Variants in CSMD1 observed in about 807,000 individuals in gnomAD.
CSMD1 encodes the protein CUB and Sushi multiple domains 1.
In CSMD1, 213 loss-of-function variants were observed where a neutral mutation model predicts 417.5. That is an observed-to-expected ratio of 0.51 (90% CI 0.46 to 0.57). The LOEUF (loss-of-function observed/expected upper bound fraction) is 0.57, where lower values mean the gene tolerates loss of function less well. Among genes scored for constraint, CSMD1 ranks in the 20% least tolerant of loss-of-function variants. The probability of loss-of-function intolerance (pLI) is 0.00; values close to 1 mark genes in which losing one functional copy is unlikely to be tolerated. For synonymous variants in CSMD1, 2,862 were observed against 1,736.8 expected, an observed-to-expected ratio of 1.65 and a Z score of -16.11; for missense variants, 6,923 against 4,529.7, an observed-to-expected ratio of 1.53 and a Z score of -15.17.
At chr8:4,140,940 C>T (rs1384413052) in intron 3 of CSMD1, among the ~76,000 whole-genome samples, 1 of 151,186 alleles carries the variant, frequency 6.6e-6, no homozygotes, top group African/African-American at 2.5e-5. Context: ...TCAACACCAA[C>T]AACAAAAAGT....
intron 1 of CSMD1, among the ~76,000 whole-genome samples, chr8:4,960,678 T>C (rs1481241473): frequency 6.6e-6 from 1 of 152,184 alleles, no homozygotes. Flanking sequence ...CGTACATACA[T>C]ACATGCATAA....
intron 2 of CSMD1, among the ~76,000 whole-genome samples, chr8:4,562,579 G>C (rs1338828036): frequency 2.6e-5 from 4 of 152,084 alleles, no homozygotes; most frequent in Non-Finnish European, 5.9e-5. Context: ...AGCATATCCT[G>C]ACTACTGAAA....
intron 3 of CSMD1, among the ~76,000 whole-genome samples, chr8:4,392,237 T>G (rs1803895264): frequency 6.6e-6 from 1 of 152,152 alleles, no homozygotes; most frequent in Non-Finnish European, 1.5e-5. Context: ...TTCAATTTAC[T>G]TGTGAGGATA....
chr8:3,728,391 T>G (rs1802622281), intron 6 of CSMD1, among the ~76,000 whole-genome samples: 1 of 152,226 alleles, frequency 6.6e-6, no homozygotes, highest in South Asian at 2.1e-4. Flanking sequence ...GTATTGGGTA[T>G]GTCTTTATCA....
At chr8:3,224,694 T>G (rs529954421) in intron 27 of CSMD1, among the ~76,000 whole-genome samples, 185 of 152,362 alleles carry the variant, frequency 1.2e-3, no homozygotes, top group African/African-American at 4.3e-3. Flanking sequence ...CAATTTTGAA[T>G]TAAATGTGTT....
At chr8:4,833,403 G>A (rs1340166562) in intron 1 of CSMD1, among the ~76,000 whole-genome samples, 2 of 152,168 alleles carry the variant, frequency 1.3e-5, no homozygotes, top group Admixed American at 6.5e-5. Flanking sequence ...TCACTGTCAT[G>A]AGAACAGCAA....
At chr8:3,911,357 T>C (rs1382761298) in intron 5 of CSMD1, among the ~76,000 whole-genome samples, 1 of 151,566 alleles carries the variant, frequency 6.6e-6, no homozygotes, top group African/African-American at 2.4e-5. Context: ...TGAAACCCCA[T>C]CTCTACTAAA....
At chr8:4,259,381 C>G (rs1267499788) in intron 3 of CSMD1, among the ~76,000 whole-genome samples, 7 of 152,132 alleles carry the variant, frequency 4.6e-5, no homozygotes, top group Non-Finnish European at 1.0e-4. Flanking sequence ...AAGGAGAGGA[C>G]AGGAGGAGCT....
chr8:4,918,634 T>G lies in CSMD1; in HGVS notation c.85+75698A>C, dbSNP rs1326799596. 2.0e-5 allele frequency among the ~76,000 whole-genome samples: 3 copies of G among 152,248 alleles called. No homozygotes were observed. The East Asian group carries it at 5.8e-4, about 29-fold the overall frequency. On this transcript the variant is annotated intron_variant, in intron 1 of 69. Transcript: ENST00000635120. The stretch of plus-strand genomic sequence containing the variant: ...ATAGCTGAATCACGTTACTTCAGAT[T>G]GATAAATCTTTTCTTTCTTGACCCA...
intron 1 of CSMD1, among the ~76,000 whole-genome samples, chr8:4,987,227 G>T (rs1811224169): frequency 6.6e-6 from 1 of 152,126 alleles, no homozygotes; most frequent in African/African-American, 2.4e-5. Flanking sequence ...TGGAAAAGAA[G>T]CCATGGAATT....
chr8:4,461,587 G>T (rs563154598), intron 2 of CSMD1, among the ~76,000 whole-genome samples: 3 of 151,482 alleles, frequency 2.0e-5, no homozygotes, highest in East Asian at 1.9e-4. Context: ...ACATCATCCC[G>T]TTGCCCAGTC....
At chr8:4,612,299 C>T (rs1801220702) in intron 2 of CSMD1, among the ~76,000 whole-genome samples, 2 of 152,134 alleles carry the variant, frequency 1.3e-5, no homozygotes, top group African/African-American at 2.4e-5. Context: ...TCAAAAATAC[C>T]TTGTTTCCTT....
intron 1 of CSMD1, among the ~76,000 whole-genome samples, chr8:4,709,795 A>T (rs1257894124): frequency 3.3e-5 from 5 of 152,174 alleles, no homozygotes; most frequent in Non-Finnish European, 7.4e-5. Context: ...CAGGGGAAAG[A>T]GGCAGGAGAG....
intron 57 of CSMD1, among the ~76,000 whole-genome samples, chr8:2,971,544 A>G (rs1804457619): frequency 6.6e-6 from 1 of 152,180 alleles, no homozygotes; most frequent in Non-Finnish European, 1.5e-5. Flanking sequence ...TCAGTGCCTC[A>G]TATCGGGAAG....
In CSMD1 at chr8:4,886,059, T is replaced by C. The variant is rs1021553274; in HGVS notation, c.85+108273A>G. On this transcript the variant is annotated intron_variant, in intron 1 of 69. Transcript: ENST00000635120. ...AGGCTGGACTGCAGTGGTGCAATCT[T>C]GGATCACTGCAACCTCCGTCTCCCA... Among the ~76,000 whole-genome samples the C allele has an allele frequency of 2.0e-5, 3 of 152,220 alleles. No homozygotes were observed. In the South Asian group the frequency reaches 6.2e-4, roughly 32 times the overall value.
intron 1 of CSMD1, among the ~76,000 whole-genome samples, chr8:4,867,480 G>A (rs780758010): frequency 1.4e-4 from 22 of 152,016 alleles, no homozygotes; most frequent in Non-Finnish European, 2.5e-4. Flanking sequence ...AATTATCTGA[G>A]GCCAACACTC....
chr8:3,429,768 T>G lies in CSMD1; in HGVS notation c.1562-20163A>C, dbSNP rs112059589. On this transcript the variant is annotated intron_variant, in intron 12 of 69. Transcript: ENST00000635120. ...TCTATGAAATAAAGTCTATGGTTGT[T>G]GTTTTCTATGGTTTGTAATTTATAC... is the stretch of plus-strand genomic sequence containing the variant. Among the ~76,000 whole-genome samples the G allele has an allele frequency of 3.9e-5, 6 of 152,316 alleles. 1 individual carries two copies. Among genetic ancestry groups the G allele is most frequent in the African/African-American group, 1.4e-4 (6 of 41,562 alleles).
At chr8:4,276,606 T>C (rs1233578366) in intron 3 of CSMD1, among the ~76,000 whole-genome samples, 2 of 152,100 alleles carry the variant, frequency 1.3e-5, no homozygotes, top group East Asian at 3.9e-4. Context: ...ATAAATTTAA[T>C]AAAAAAAGTG....
intron 12 of CSMD1, among the ~76,000 whole-genome samples, chr8:3,417,008 T>C (rs1427335779): frequency 6.6e-6 from 1 of 152,232 alleles, no homozygotes; most frequent in Non-Finnish European, 1.5e-5. Flanking sequence ...TATAAGCTGA[T>C]ATCCCTGAAT....
Sources: allele counts gnomAD v4.1 joint callset (sites outside exome capture counted in the v4.1 genomes callset), GRCh38; gene constraint gnomAD v4.1.1; transcripts MANE v1.5; gene names NCBI Gene and HGNC (gene_info 2026-07-23, HGNC 2026-07-21).